Variants in ZNF766 observed in about 807,000 individuals in gnomAD.
ZNF766 encodes the protein zinc finger protein 766.
A neutral mutation model predicts 13.2 loss-of-function variants in ZNF766; 13 were observed. That is an observed-to-expected ratio of 0.98 (90% CI 0.64 to 1.56). The LOEUF (loss-of-function observed/expected upper bound fraction) is 1.56. ZNF766 is among the 40% of genes most tolerant of loss of function. The probability of loss-of-function intolerance (pLI) is 0.00; values close to 1 mark genes in which losing one functional copy is unlikely to be tolerated. For synonymous variants in ZNF766, 178 were observed against 187.6 expected (o/e 0.95, Z 0.42); for missense variants, 521 against 552.2 (o/e 0.94, Z 0.57).
In ZNF766 at chr19:52,294,579, A is replaced by G. The variant is rs1370391188; in HGVS notation, c.*3381A>G. On this transcript the variant is annotated 3_prime_UTR_variant, in exon 4 of 4. Coordinates refer to ENST00000439461, the MANE Select transcript of ZNF766 (RefSeq NM_001010851.3). ...GGATAGGGCTTGGGCAGGGGTGCCCACTTGTGGTTTGAACTTTCAGCTGGT... is the reference window on the plus strand; with the variant it reads ...GGATAGGGCTTGGGCAGGGGTGCCCGCTTGTGGTTTGAACTTTCAGCTGGT... 3.3e-5 allele frequency: 5 copies of G among 152,186 alleles called. No individual in the cohort carries two copies. The highest frequency in any genetic ancestry group is 1.3e-4 in the Admixed American group (2 of 15,262). The allele number at this position is 152,186 out of a possible 1,614,324, so 9.4% of individuals were successfully genotyped here. A position where few individuals can be genotyped will look rare whatever the true frequency, so the allele number is the denominator to read the frequency against.
chr19:52,291,028 T>C lies in ZNF766; in HGVS notation c.1237T>C (p.Cys413Arg). ...TCACACTGGAGAGAAACCTTACAAA[T>C]GTAATGAGTGTGGCAAAGTCTTCAC... ...KIHTGEKPYK[C>R]NECGKVFTQN... Residue 413 changes from cysteine to arginine, a missense_variant, in exon 4 of 4, where the codon TGT (cysteine) becomes CGT (arginine). Coordinates refer to ENST00000439461, the MANE Select transcript of ZNF766 (RefSeq NM_001010851.3). 1.2e-6 allele frequency: 2 copies of C among 1,614,182 alleles called. No homozygotes were observed. The highest frequency in any genetic ancestry group is 1.7e-6 in the Non-Finnish European group (2 of 1,180,032).
chr19:52,275,824 G>A (rs2122465982), intron 1 of ZNF766, among the ~76,000 whole-genome samples: 1 of 152,114 alleles, frequency 6.6e-6, no homozygotes, highest in East Asian at 1.9e-4. Context: ...GGGATTACAG[G>A]CACCCACTTT....
intron 3 of ZNF766, among the ~76,000 whole-genome samples, chr19:52,285,319 T>C (rs1981759708): frequency 6.6e-6 from 1 of 152,070 alleles, no homozygotes. Context: ...CAACACTGTA[T>C]CTGGAGATAG....
chr19:52,289,553 C>T (rs1044647720), intron 3 of ZNF766, among the ~76,000 whole-genome samples: 8 of 152,176 alleles, frequency 5.3e-5, no homozygotes, highest in African/African-American at 1.9e-4. Flanking sequence ...CTCTCAAACT[C>T]ACCTGTAATC....
intron 1 of ZNF766, chr19:52,281,283 C>T: frequency 5.5e-6 from 1 of 181,330 alleles, no homozygotes; most frequent in Non-Finnish European, 1.2e-5. Context: ...TTTTGGGAGG[C>T]CGAGGTAGGT....
rs918612162 is a variant in ZNF766, at chr19:52,282,428, G to A, written c.145+191G>A. 3.0e-5 allele frequency: 15 copies of A among 502,794 alleles called. No homozygotes were observed. The African/African-American group carries it at 3.0e-4, about 10-fold the overall frequency. 31.1% of individuals were successfully genotyped at this position (502,794 alleles called of 1,614,324 possible). A position where few individuals can be genotyped will look rare whatever the true frequency, so the allele number is the denominator to read the frequency against. On this transcript the variant is annotated intron_variant, in intron 2 of 3. Transcript: ENST00000439461. ...AGGTGGGTGGATTGCTTGAGGTCAG[G>A]AGTTCGAGACCAACCTGACCAAAAT...
At position 52,291,250 on chromosome 19, in the gene ZNF766, A is replaced by G. The variant is rs1982131524; in HGVS notation, c.*52A>G. 2.7e-6 allele frequency: 4 copies of G among 1,489,420 alleles called. No individual in the cohort carries two copies. Among genetic ancestry groups the G allele is most frequent in the Admixed American group, 4.6e-5 (2 of 43,550 alleles). 92.3% of individuals were successfully genotyped at this position (1,489,420 alleles called of 1,614,324 possible). ...AGCAGTAATCAACATCCGAGAGTCT[A>G]TACTAGAAAGAAATCATTTAAATGT... is the stretch of plus-strand genomic sequence containing the variant. On this transcript the variant is annotated 3_prime_UTR_variant, in exon 4 of 4. Coordinates refer to ENST00000439461, the MANE Select transcript of ZNF766 (RefSeq NM_001010851.3).
At chr19:52,277,405 G>GCCTCAGCTCAT (rs1354837632) in intron 1 of ZNF766, 2 of 1,390,886 alleles carry the variant, frequency 1.4e-6, no homozygotes, top group Non-Finnish European at 2.0e-6. Context: ...CTTGCAGTGA[G>GCCTCAGCTCAT]CTGAGATCGG....
chr19:52,283,210 AT>A (rs759008006), intron 2 of ZNF766, 74 bp from the exon 3 acceptor site: 56 of 1,525,334 alleles, frequency 3.7e-5, no homozygotes, highest in Non-Finnish European at 4.5e-5. Flanking sequence ...TTTTAATATC[AT>A]CTCTGCTGCC....
At chr19:52,282,035 A>C (rs182791205) in intron 1 of ZNF766, 76 bp from the exon 2 acceptor site, 5 of 1,544,792 alleles carry the variant, frequency 3.2e-6, no homozygotes, top group Non-Finnish European at 4.4e-6. Flanking sequence ...GTCAGTCCTT[A>C]CAACCCTCTT....
In ZNF766 at chr19:52,291,305, C is replaced by G; in HGVS notation, c.*107C>G. ...TATGTGGCACAGGCTGTATCGAGACCTACCAAATCACTAGACATCGAAACA... is the reference window on the plus strand; with the variant it reads ...TATGTGGCACAGGCTGTATCGAGACGTACCAAATCACTAGACATCGAAACA... On this transcript the variant is annotated 3_prime_UTR_variant, in exon 4 of 4. Transcript: ENST00000439461. 9.0e-7 allele frequency: 1 copy of G among 1,111,312 alleles called. No homozygotes were observed. The highest frequency in any genetic ancestry group is 1.3e-6 in the Non-Finnish European group (1 of 784,976). 68.8% of individuals were successfully genotyped at this position (1,111,312 alleles called of 1,614,324 possible). A position where few individuals can be genotyped will look rare whatever the true frequency, so the allele number is the denominator to read the frequency against.
intron 1 of ZNF766, among the ~76,000 whole-genome samples, chr19:52,270,336 C>T (rs1254447528): frequency 6.6e-6 from 1 of 152,066 alleles, no homozygotes; most frequent in Non-Finnish European, 1.5e-5. Context: ...AACAAGACGG[C>T]AACGCAGAGG....
chr19:52,280,075 C>T (rs1324707720), intron 1 of ZNF766, among the ~76,000 whole-genome samples: 2 of 152,120 alleles, frequency 1.3e-5, no homozygotes, highest in Admixed American at 6.5e-5. Context: ...GGATTACAGG[C>T]GTGAGCCACC....
intron 3 of ZNF766, 89 bp downstream of exon 3, chr19:52,283,502 A>G (rs1981649081): frequency 1.4e-6 from 2 of 1,419,010 alleles, no homozygotes; most frequent in Non-Finnish European, 1.9e-6. Flanking sequence ...TGCATTGGCC[A>G]TCATAGCTCA....
intron 1 of ZNF766, among the ~76,000 whole-genome samples, chr19:52,272,112 A>G (rs985918472): frequency 4.6e-5 from 7 of 151,992 alleles, no homozygotes; most frequent in Non-Finnish European, 8.8e-5. Context: ...GCTCCATTTG[A>G]GAACACAGTA....
chr19:52,288,687 C>A (rs527773339), intron 3 of ZNF766, among the ~76,000 whole-genome samples: 2 of 149,766 alleles, frequency 1.3e-5, no homozygotes, highest in East Asian at 3.9e-4. Flanking sequence ...AGCCACCACA[C>A]CCAGCCGTTT....
Position 52,292,236 on chromosome 19 carries a change from G to T in ZNF766, c.*1038G>T, listed in dbSNP as rs530246834. 200 of 698,970 alleles carry T rather than the reference G, an allele frequency of 2.9e-4. No homozygotes were observed. Among genetic ancestry groups the T allele is most frequent in the Non-Finnish European group, 4.4e-4 (168 of 383,844 alleles). 43.3% of individuals were successfully genotyped at this position (698,970 alleles called of 1,614,324 possible). On this transcript the variant is annotated 3_prime_UTR_variant, in exon 4 of 4. Transcript: ENST00000439461. ...AGCGTTTCTATCCAGTTTCCTGGAG[G>T]AATAAGGACACTGCCTTTTCAGATT...
In ZNF766 at chr19:52,292,212, G is replaced by A. The variant is rs1368855915; in HGVS notation, c.*1014G>A. 1.4e-6 allele frequency: 1 copy of A among 702,174 alleles called. No individual in the cohort carries two copies. Among genetic ancestry groups the A allele is most frequent in the Non-Finnish European group, 2.6e-6 (1 of 384,660 alleles). 43.5% of individuals were successfully genotyped at this position (702,174 alleles called of 1,614,324 possible). ...CAGGGCTGACTTCATTAGATGAGGA[G>A]CGTTTCTATCCAGTTTCCTGGAGGA... is the stretch of plus-strand genomic sequence containing the variant. On this transcript the variant is annotated 3_prime_UTR_variant, in exon 4 of 4. Transcript: ENST00000439461.
At position 52,290,680 on chromosome 19, in the gene ZNF766, A is replaced by G; in HGVS notation, c.889A>G (p.Lys297Glu). 6.2e-7 allele frequency: 1 copy of G among 1,613,730 alleles called. No individual in the cohort carries two copies. Among genetic ancestry groups the G allele is most frequent in the East Asian group, 2.2e-5 (1 of 44,878 alleles). Residue 297 changes from lysine (K) to glutamate (E), a missense_variant, in exon 4 of 4, where the codon AAA (lysine) becomes GAA (glutamate). Lys to Glu is a moderately conservative substitution (Grantham distance 56, BLOSUM62 1). Coordinates refer to ENST00000439461, the MANE Select transcript of ZNF766 (RefSeq NM_001010851.3). ...ACATCAGAAAATTCATACTAGAGAG[A>G]AACCTCATAAATGTAACAAATGTGG... is the stretch of plus-strand genomic sequence containing the variant. Reference protein sequence around the residue: ...VRHQKIHTREKPHKCNKCGKV... With the variant: ...VRHQKIHTREEPHKCNKCGKV...
Sources: allele counts gnomAD v4.1 joint callset (sites outside exome capture counted in the v4.1 genomes callset), GRCh38; gene constraint gnomAD v4.1.1; transcripts MANE v1.5; gene names NCBI Gene and HGNC (gene_info 2026-07-23, HGNC 2026-07-21).